BPTF: variants seen among roughly 807,000 people sequenced by gnomAD.
BPTF encodes nucleosome-remodeling factor subunit BPTF.
A neutral mutation model predicts 292.5 loss-of-function variants in BPTF; 18 were observed. The observed-to-expected ratio is 0.06, with a 90% confidence interval of 0.04 to 0.09. The LOEUF is 0.09. BPTF is among the 10% of genes least tolerant of loss of function. The pLI, the probability that BPTF is intolerant of heterozygous loss-of-function variation, is 1.00. For synonymous variants in BPTF, 1,225 were observed against 1,251.9 expected, an observed-to-expected ratio of 0.98 and a Z score of 0.45; for missense variants, 2,726 against 3,498.7, an observed-to-expected ratio of 0.78 and a Z score of 5.57.
In BPTF at chr17:67,912,960, A is replaced by G; in HGVS notation, c.5076A>G (p.Lys1692=). The G allele has an allele frequency of 6.2e-7, 1 of 1,614,194 alleles. No individual in the cohort carries two copies. Among genetic ancestry groups the G allele is most frequent in the Non-Finnish European group, 8.5e-7 (1 of 1,180,022 alleles). The change falls in exon 11 of 28, where the codon AAA becomes AAG. Residue 1692 remains lysine (K), a synonymous_variant. Coordinates refer to ENST00000306378, the MANE Select transcript of BPTF (RefSeq NM_182641.4). ...YSTRDKVKLM[K]FSRPKKTRSG... is the part of the protein sequence containing the mutation. ...CACGAGACAAAGTGAAACTGATGAA[A>G]TTTTCAAGACCAAAGAAGACTCGTT...
At position 67,889,118 on chromosome 17, in the gene BPTF, G is replaced by A. The variant is rs572881596; in HGVS notation, c.1865-2726G>A. Among the ~76,000 whole-genome samples, 7 of 152,284 alleles carry A rather than the reference G, an allele frequency of 4.6e-5. No homozygotes were observed. In the South Asian group the frequency reaches 1.5e-3, roughly 32 times the overall value. On this transcript the variant is annotated intron_variant, in intron 4 of 27. Coordinates refer to ENST00000306378, the MANE Select transcript of BPTF (RefSeq NM_182641.4). ...GTATCATTAAACAGTGAGCTGCAGA[G>A]GCTGATGTAGATCTGTAGCCTGCTG... is the stretch of plus-strand genomic sequence containing the variant.
Position 67,854,418 on chromosome 17 carries a change from A to G in BPTF, c.1092A>G (p.Leu364=), listed in dbSNP as rs1225359791. The change falls in exon 2 of 28, where the codon CTA becomes CTG. Residue 364 remains leucine, a synonymous_variant. Coordinates refer to ENST00000306378, the MANE Select transcript of BPTF (RefSeq NM_182641.4). This position sits in a 1 kb window ranked among gnomAD's most constrained non-coding sequence, Gnocchi z 5.6. ...CAGTAGAGAACAAGATCAAAGTTCT[A>G]CAGTTTCTAGTCGATCAGTTTCTTA... ...YGPVENKIKV[L]QFLVDQFLTT... is the part of the protein sequence containing the mutation. The G allele has an allele frequency of 3.7e-6, 6 of 1,614,104 alleles. No homozygotes were observed. The highest frequency in any genetic ancestry group is 1.3e-5 in the African/African-American group (1 of 74,940).
chr17:67,976,943 A>AC (rs1309521807), intron 27 of BPTF, among the ~76,000 whole-genome samples: 1 of 151,992 alleles, frequency 6.6e-6, no homozygotes, highest in Non-Finnish European at 1.5e-5. Context: ...AAAAAGACTC[A>AC]CCCCTACATA....
chr17:67,850,851 G>C (rs118066372), intron 1 of BPTF, among the ~76,000 whole-genome samples: 2,328 of 152,256 alleles, frequency 0.015, 30 homozygotes, highest in Non-Finnish European at 0.027. Flanking sequence ...TAAATGCTCT[G>C]CATTGTTCTG....
rs140941889 is a variant in BPTF, at chr17:67,851,193, C to T, written c.614-2747C>T. Among the ~76,000 whole-genome samples the T allele has an allele frequency of 1.1e-3, 172 of 151,634 alleles. 1 individual carries two copies. Among genetic ancestry groups the T allele is most frequent in the African/African-American group, 4.0e-3 (167 of 41,284 alleles). ...GCTCTTTTTGTAACGAGTTGTTTGG[C>T]ATGAGGTCCAGTCACAAGGGGCCTT... On this transcript the variant is annotated intron_variant, in intron 1 of 27. Transcript: ENST00000306378.
chr17:67,966,425 A>C (rs1270025016), intron 25 of BPTF, 147 bp from the exon 26 acceptor site: 496 of 609,072 alleles, frequency 8.1e-4, no homozygotes, highest in Non-Finnish European at 1.3e-3. Flanking sequence ...GGTAACTATT[A>C]CTAGAGCAGA....
At chr17:67,837,844 G>A (rs1428557449) in intron 1 of BPTF, among the ~76,000 whole-genome samples, 1 of 152,216 alleles carries the variant, frequency 6.6e-6, no homozygotes, top group African/African-American at 2.4e-5. Context: ...CTTGCGATGT[G>A]ATATGAGACC....
At chr17:67,881,719 T>G (rs1598406258) in intron 4 of BPTF, among the ~76,000 whole-genome samples, 1 of 151,922 alleles carries the variant, frequency 6.6e-6, no homozygotes, top group East Asian at 1.9e-4. Flanking sequence ...GCCAGGCTGG[T>G]CTTGAACTTC....
intron 24 of BPTF, 101 bp downstream of exon 24, chr17:67,959,976 A>ACAT: frequency 1.1e-6 from 1 of 918,250 alleles, no homozygotes; most frequent in Non-Finnish European, 1.6e-6. Context: ...ATAAATGAAA[A>ACAT]TATTAAATTT....
chr17:67,913,053 G>A lies in BPTF; in HGVS notation c.5169G>A (p.Leu1723=). The stretch of plus-strand genomic sequence containing the variant: ...GCAGCAAGAAGAGCATTTTTGTTTT[G>A]CCTAATGATGACTTAAAAAAGTTGG... The part of the protein sequence containing the change: ...TKSSKKSIFV[L]PNDDLKKLAR... The change falls in exon 11 of 28, where the codon TTG becomes TTA. Residue 1723 remains leucine, a synonymous_variant. Coordinates refer to ENST00000306378, the MANE Select transcript of BPTF (RefSeq NM_182641.4). 1 of 1,614,096 alleles carries A rather than the reference G, an allele frequency of 6.2e-7. No individual in the cohort carries two copies. The highest frequency in any genetic ancestry group is 1.3e-5 in the African/African-American group (1 of 75,026).
intron 4 of BPTF, 122 bp from the exon 5 acceptor site, chr17:67,891,721 CT>C: frequency 1.6e-5 from 10 of 612,844 alleles, no homozygotes; most frequent in Non-Finnish European, 1.3e-5. Context: ...ATTCAAGGGC[CT>C]TTTTTTATCT....
intron 9 of BPTF, among the ~76,000 whole-genome samples, chr17:67,907,900 G>T (rs1192283558): frequency 1.3e-5 from 2 of 152,064 alleles, no homozygotes. Context: ...TTTACTGTAA[G>T]CAGTAAACAA....
At chr17:67,957,777 G>T (rs1329657474) in intron 23 of BPTF, among the ~76,000 whole-genome samples, 1 of 152,182 alleles carries the variant, frequency 6.6e-6, no homozygotes, top group Non-Finnish European at 1.5e-5. Flanking sequence ...GATCACTTGA[G>T]CCTGGCAGGT....
rs371747743 is a variant in BPTF at position 67,855,988 on chromosome 17, C to T, written c.1436+1226C>T. On this transcript the variant is annotated intron_variant, in intron 2 of 27. Coordinates refer to ENST00000306378, the MANE Select transcript of BPTF (RefSeq NM_182641.4). ...CCCTTGTGTGGGCTGCTTTCATCCA[C>T]GAGGTATTTTTGGTGGGCATTTTCA... Among the ~76,000 whole-genome samples, 25 of 152,326 alleles carry T rather than the reference C, an allele frequency of 1.6e-4. No homozygotes were observed. The South Asian group carries it at 2.1e-3, about 13-fold the overall frequency.
At chr17:67,896,360 GTTTACAAT>G (rs2061452192) in intron 7 of BPTF, among the ~76,000 whole-genome samples, 1 of 152,144 alleles carries the variant, frequency 6.6e-6, no homozygotes, top group Admixed American at 6.5e-5. Context: ...AATCTCGTAA[GTTTACAAT>G]AGAAGGAAAA....
chr17:67,884,024 A>C (rs1052933545), intron 4 of BPTF, among the ~76,000 whole-genome samples: 2 of 152,112 alleles, frequency 1.3e-5, no homozygotes, highest in African/African-American at 4.8e-5. Context: ...AATCTTGGAG[A>C]TCATTTTATG....
At chr17:67,862,155 T>C (rs1407568174) in intron 2 of BPTF, among the ~76,000 whole-genome samples, 1 of 152,110 alleles carries the variant, frequency 6.6e-6, no homozygotes, top group Non-Finnish European at 1.5e-5. Context: ...TTTGTATTTT[T>C]AGTAGAGATG....
rs546386695 is a variant in BPTF, at chr17:67,952,979, G to A, written c.7926+4673G>A. 2.0e-3 allele frequency among the ~76,000 whole-genome samples: 304 copies of A among 150,370 alleles called. 1 individual carries two copies. The highest frequency in any genetic ancestry group is 7.2e-3 in the African/African-American group (293 of 40,868). ...CAAATTGTTCTTTACTTTTTTTTTC[G>A]AGATAGAGTCTTGCTCTGTCGCCCA... On this transcript the variant is annotated intron_variant, in intron 23 of 27. Coordinates refer to ENST00000306378, the MANE Select transcript of BPTF (RefSeq NM_182641.4).
At chr17:67,980,003 G>C (rs1428393074) in intron 27 of BPTF, among the ~76,000 whole-genome samples, 3 of 151,742 alleles carry the variant, frequency 2.0e-5, no homozygotes, top group African/African-American at 7.3e-5. Context: ...CTACACTCTA[G>C]CCTGGGCAAC....
Sources: allele counts gnomAD v4.1 joint callset (sites outside exome capture counted in the v4.1 genomes callset), GRCh38; gene constraint gnomAD v4.1.1; non-coding constraint Gnocchi (gnomAD v3.1); transcripts MANE v1.5; gene names NCBI Gene and HGNC (gene_info 2026-07-23, HGNC 2026-07-21).